Variants in ST3GAL1 observed in about 807,000 individuals in gnomAD.
ST3GAL1 encodes the protein ST3 beta-galactoside alpha-2,3-sialyltransferase 1, also known as CMP-N-acetylneuraminate-beta-galactosamide-alpha-2,3-sialyltransferase 1.
ST3GAL1 carries 16 observed loss-of-function variants against 34.1 expected under a neutral mutation model. The observed-to-expected ratio is 0.47, with a 90% CI of 0.32 to 0.71. The LOEUF is 0.71. Among genes scored for constraint, ST3GAL1 ranks in the 30% least tolerant of loss-of-function variants. The pLI, the probability that ST3GAL1 is intolerant of heterozygous loss-of-function variation, is 0.04. For synonymous variants in ST3GAL1, 191 were observed against 184.7 expected, an observed-to-expected ratio of 1.03 and a Z score of -0.28; for missense variants, 353 against 447.4, an observed-to-expected ratio of 0.79 and a Z score of 1.90.
At chr8:133,538,946 T>C (rs1315740915) in intron 2 of ST3GAL1, among the ~76,000 whole-genome samples, 6 of 152,136 alleles carry the variant, frequency 3.9e-5, no homozygotes, top group Admixed American at 3.9e-4. Context: ...AGTCTGTGCC[T>C]GGGTTTCATC....
At chr8:133,561,179 CCT>C (rs1164277008) in intron 1 of ST3GAL1, among the ~76,000 whole-genome samples, 2 of 151,094 alleles carry the variant, frequency 1.3e-5, no homozygotes, top group African/African-American at 4.9e-5. Flanking sequence ...AGCAAGATCC[CCT>C]GTTCCCAAAC....
intron 2 of ST3GAL1, among the ~76,000 whole-genome samples, chr8:133,526,738 C>T (rs1312528579): frequency 2.0e-5 from 3 of 152,264 alleles, no homozygotes; most frequent in Non-Finnish European, 4.4e-5. Context: ...CACAAGGTGA[C>T]GTCAGAGTGG....
At position 133,548,762 on chromosome 8, in the gene ST3GAL1, C is replaced by T. The variant is rs188883908; in HGVS notation, c.-581-2836G>A. Among the ~76,000 whole-genome samples the T allele has an allele frequency of 4.5e-3, 690 of 152,320 alleles. 3 individuals carry two copies. The highest frequency in any genetic ancestry group is 0.016 in the African/African-American group (664 of 41,564). ...CTAAGCACCGGGCATCACCTCAATC[C>T]CACTGTTGGTTGCTCTCACTAGACT... is the stretch of plus-strand genomic sequence containing the variant. On this transcript the variant is annotated intron_variant, in intron 1 of 9. Transcript: ENST00000522652.
intron 6 of ST3GAL1, 122 bp from the exon 7 acceptor site, chr8:133,465,079 C>T (rs1205648950): frequency 7.9e-6 from 7 of 882,650 alleles, no homozygotes; most frequent in Non-Finnish European, 1.2e-5. Context: ...CTTCCCCGGG[C>T]CTCCTTCTCC....
chr8:133,502,463 C>G (rs1182970022), intron 2 of ST3GAL1, among the ~76,000 whole-genome samples: 1 of 151,558 alleles, frequency 6.6e-6, no homozygotes, highest in Non-Finnish European at 1.5e-5. Flanking sequence ...AGCACTCTCA[C>G]CATATGCACA....
At position 133,556,368 on chromosome 8, in the gene ST3GAL1, C is replaced by T. The variant is rs182785973; in HGVS notation, c.-581-10442G>A. On this transcript the variant is annotated intron_variant, in intron 1 of 9. Transcript: ENST00000522652. This position sits in a 1 kb window ranked among gnomAD's most constrained non-coding sequence, Gnocchi z 8.9. ...CCTGTCTTCTCCCCCTGGCCTTGGC[C>T]TCCTGGACAGGAGACAACCCCTTGG... Among the ~76,000 whole-genome samples the T allele has an allele frequency of 6.0e-4, 92 of 152,322 alleles. No individual in the cohort carries two copies. Among genetic ancestry groups the T allele is most frequent in the African/African-American group, 2.0e-3 (85 of 41,560 alleles).
intron 1 of ST3GAL1, among the ~76,000 whole-genome samples, chr8:133,567,920 CTCTCTT>C (rs1275354868): frequency 2.0e-5 from 2 of 102,308 alleles, no homozygotes; most frequent in Non-Finnish European, 3.6e-5. Flanking sequence ...TAAAGCCTTG[CTCTCTT>C]TTTTTTTTTT....
intron 2 of ST3GAL1, among the ~76,000 whole-genome samples, chr8:133,540,796 C>CAT (rs1325951052): frequency 0.16 from 18,856 of 115,710 alleles, 3,251 homozygotes; most frequent in Non-Finnish European, 0.23. Flanking sequence ...TATATATAGA[C>CAT]ATATATATAG....
intron 3 of ST3GAL1, among the ~76,000 whole-genome samples, chr8:133,496,236 T>C (rs1373015326): frequency 6.6e-6 from 1 of 152,220 alleles, no homozygotes; most frequent in Non-Finnish European, 1.5e-5. Flanking sequence ...ATGCAGTTAA[T>C]GGAAGGCTTA....
At chr8:133,479,980 C>T (rs1816321551) in intron 3 of ST3GAL1, among the ~76,000 whole-genome samples, 2 of 152,224 alleles carry the variant, frequency 1.3e-5, no homozygotes, top group South Asian at 4.1e-4. Flanking sequence ...GGAATGCCAG[C>T]CCTGGCTCCC....
At chr8:133,511,075 C>T (rs555914946) in intron 2 of ST3GAL1, among the ~76,000 whole-genome samples, 196 of 152,302 alleles carry the variant, frequency 1.3e-3, no homozygotes, top group Non-Finnish European at 2.3e-3. Flanking sequence ...TTCTTTAAAT[C>T]TCCAGCATTA....
At chr8:133,531,951 C>T (rs4637803) in intron 2 of ST3GAL1, among the ~76,000 whole-genome samples, 61,079 of 151,594 alleles carry the variant, frequency 0.4, 14,332 homozygotes, top group East Asian at 0.63. Flanking sequence ...CATAATGAGA[C>T]GAAGGCTTCA....
Position 133,466,998 on chromosome 8 carries a change from A to T in ST3GAL1, c.307-908T>A, listed in dbSNP as rs1345444659. ...TAGTCCCAGCTACTTGGGAGGCTGA[A>T]GTGGGAGAATCTCTTGAACCCGGAA... On this transcript the variant is annotated intron_variant, in intron 5 of 9. Coordinates refer to ENST00000522652, the MANE Select transcript of ST3GAL1 (RefSeq NM_173344.3). This position sits in a 1 kb window ranked among gnomAD's most constrained non-coding sequence, Gnocchi z 4.4. Among the ~76,000 whole-genome samples the T allele has an allele frequency of 3.3e-5, 5 of 151,774 alleles. No individual in the cohort carries two copies. In the East Asian group the frequency reaches 9.8e-4, roughly 30 times the overall value.
intron 5 of ST3GAL1, among the ~76,000 whole-genome samples, chr8:133,470,970 C>T (rs191802844): frequency 1.8e-3 from 281 of 152,274 alleles, no homozygotes; most frequent in African/African-American, 6.7e-3. Context: ...AGGCCACACC[C>T]GTCCCGAGAG....
chr8:133,540,650 C>A (rs1385130341), intron 2 of ST3GAL1, among the ~76,000 whole-genome samples: 1 of 150,732 alleles, frequency 6.6e-6, no homozygotes, highest in East Asian at 2.0e-4. Context: ...GACCACCACA[C>A]CCATGCTATG....
At chr8:133,557,194 C>T (rs149142121) in intron 1 of ST3GAL1, among the ~76,000 whole-genome samples, 52 of 152,316 alleles carry the variant, frequency 3.4e-4, no homozygotes, top group African/African-American at 1.2e-3. Context: ...AGAGGGGAGG[C>T]AGATGCCAGA....
At chr8:133,522,556 C>A (rs1016693938) in intron 2 of ST3GAL1, among the ~76,000 whole-genome samples, 6 of 152,194 alleles carry the variant, frequency 3.9e-5, no homozygotes, top group African/African-American at 1.4e-4. Flanking sequence ...TCTGATCTGA[C>A]TCTCAGAGTA....
chr8:133,564,539 C>CAA (rs1206716930), intron 1 of ST3GAL1, among the ~76,000 whole-genome samples: 39 of 151,944 alleles, frequency 2.6e-4, no homozygotes, highest in Admixed American at 2.5e-3. Flanking sequence ...CACACACACA[C>CAA]ACACACACAC....
At chr8:133,526,036 C>T (rs1351752630) in intron 2 of ST3GAL1, among the ~76,000 whole-genome samples, 1 of 152,180 alleles carries the variant, frequency 6.6e-6, no homozygotes. Context: ...GTGGAGCATG[C>T]AGCCCCAGCT....
Sources: allele counts gnomAD v4.1 joint callset (sites outside exome capture counted in the v4.1 genomes callset), GRCh38; gene constraint gnomAD v4.1.1; non-coding constraint Gnocchi (gnomAD v3.1); transcripts MANE v1.5; gene names NCBI Gene and HGNC (gene_info 2026-07-23, HGNC 2026-07-21).